Variants in SRCAP observed in about 807,000 individuals in gnomAD.
The protein encoded by SRCAP is Snf2 related CREBBP activator protein.
In SRCAP, 46 loss-of-function variants were observed where a neutral mutation model predicts 263.1. The ratio of observed to expected loss-of-function variants is 0.17; its 90% confidence interval spans 0.14 to 0.22. The LOEUF (loss-of-function observed/expected upper bound fraction) is 0.22. SRCAP is among the 10% of genes least tolerant of loss of function. The pLI, the probability that SRCAP is intolerant of heterozygous loss-of-function variation, is 1.00. For synonymous variants in SRCAP, 1,813 were observed against 1,662.1 expected (o/e 1.09, Z -2.21); for missense variants, 3,695 against 4,181.9 (o/e 0.88, Z 3.21).
Position 30,734,623 on chromosome 16 carries a change from AAG to A in SRCAP, c.6729+11_6729+12del. On this transcript the variant is annotated intron_variant, in intron 31 of 33. Coordinates refer to ENST00000262518, the MANE Select transcript of SRCAP (RefSeq NM_006662.3). ...ACTCATATTCTGGAGCAGGTAAAAA[AAG>A]AGTGGGCAGTTCGTAAAGTTGAGCT... 3 of 1,614,088 alleles carry A rather than the reference AAG, an allele frequency of 1.9e-6. No individual in the cohort carries two copies. The highest frequency in any genetic ancestry group is 2.2e-5 in the South Asian group (2 of 91,082).
At chr16:30,731,587 C>T (rs1019206975) in intron 27 of SRCAP, among the ~76,000 whole-genome samples, 4 of 152,166 alleles carry the variant, frequency 2.6e-5, no homozygotes, top group East Asian at 1.9e-4. Context: ...TGTTCAAGGC[C>T]GGGTGTGGTG....
chr16:30,720,554 C>G (rs2053001461), intron 19 of SRCAP, among the ~76,000 whole-genome samples, 159 bp from the exon 20 acceptor site: 2 of 152,198 alleles, frequency 1.3e-5, no homozygotes, highest in South Asian at 2.1e-4. Context: ...TCGGTGCTTT[C>G]TGATTGTCTT....
chr16:30,713,700 C>T lies in SRCAP; in HGVS notation c.2482C>T (p.Arg828Cys), dbSNP rs757797624. 2.5e-6 allele frequency: 4 copies of T among 1,613,778 alleles called. No homozygotes were observed. Among genetic ancestry groups the T allele is most frequent in the Admixed American group, 1.7e-5 (1 of 59,976 alleles). ...AGAGTATAATGAAGGTCTAGTCAAACGCCTCCACAAGGTAGGGCCTGCAAC... is the reference window on the plus strand; with the variant it reads ...AGAGTATAATGAAGGTCTAGTCAAATGCCTCCACAAGGTAGGGCCTGCAAC... ...SQEYNEGLVK[R>C]LHKVLRPFLL... The change falls in exon 16 of 34, where the codon CGC becomes TGC. Residue 828 changes from arginine (R) to cysteine (C), a missense_variant. By Grantham distance (180) the Arg-to-Cys change is radical. Transcript: ENST00000262518.
At position 30,716,494 on chromosome 16, in the gene SRCAP, A is replaced by G. The variant is rs2052951856; in HGVS notation, c.2817+15A>G. ...ATCCCCTCCAGGTAAGTATGATTCC[A>G]TTAATATGAAATGTAAAGGTTATCG... On this transcript the variant is annotated intron_variant, in intron 18 of 33. Transcript: ENST00000262518. 1.9e-6 allele frequency: 3 copies of G among 1,596,952 alleles called. No homozygotes were observed. The South Asian group carries it at 3.4e-5, about 18-fold the overall frequency.
rs2053217287 is a variant in SRCAP, at chr16:30,740,860, T to G, written c.*1127T>G. The G allele has an allele frequency of 6.6e-6, 1 of 152,324 alleles. No homozygotes were observed. 9.4% of individuals were successfully genotyped at this position (152,324 alleles called of 1,614,324 possible). A position where few individuals can be genotyped will look rare whatever the true frequency, so the allele number is the denominator to read the frequency against. On this transcript the variant is annotated 3_prime_UTR_variant, in exon 34 of 34. Coordinates refer to ENST00000262518, the MANE Select transcript of SRCAP (RefSeq NM_006662.3). ...CACATCATTCTTTGCTCTCTACTTG[T>G]CTCGCCCCTTTCACCTTTCCTATCC...
chr16:30,715,450 A>G (rs1210820542), intron 16 of SRCAP, among the ~76,000 whole-genome samples: 1 of 152,120 alleles, frequency 6.6e-6, no homozygotes, highest in Non-Finnish European at 1.5e-5. Context: ...CTGTAGTCCC[A>G]GCTACTCAGG....
intron 27 of SRCAP, among the ~76,000 whole-genome samples, chr16:30,730,244 A>G (rs2053100553): frequency 6.6e-6 from 1 of 152,232 alleles, no homozygotes; most frequent in South Asian, 2.1e-4. Flanking sequence ...AAGACTGCAC[A>G]GTAAGTAAAC....
At chr16:30,723,279 G>A (rs767822443) in intron 24 of SRCAP, 50 bp downstream of exon 24, 1 of 1,550,800 alleles carries the variant, frequency 6.4e-7, no homozygotes, top group Non-Finnish European at 8.7e-7. Context: ...ATGGAGACGA[G>A]ATGGGGTCGC....
At chr16:30,722,927 T>C in intron 23 of SRCAP, 36 bp from the exon 24 acceptor site, 3 of 1,578,484 alleles carry the variant, frequency 1.9e-6, no homozygotes, top group Non-Finnish European at 1.7e-6. Flanking sequence ...TTTTGTTTCT[T>C]TTCTACCTTC....
Position 30,733,684 on chromosome 16 carries a change from T to C in SRCAP, c.6380T>C (p.Leu2127Pro). 6.2e-7 allele frequency: 1 copy of C among 1,614,176 alleles called. No homozygotes were observed. The change falls in exon 29 of 34, where the codon CTG becomes CCG. Residue 2127 changes from leucine to proline, a missense_variant. Leu to Pro is a moderately conservative substitution (Grantham distance 98). This residue lies in a region of SRCAP where 138 missense variants were observed against 254.9 expected (regional missense o/e 0.54). Coordinates refer to ENST00000262518, the MANE Select transcript of SRCAP (RefSeq NM_006662.3). The surrounding 1 kb of genome is among the most constrained non-coding windows in gnomAD (Gnocchi z 5.3). ...CGGAGTGGGGGTGTGGGCGTGAACC[T>C]GACAGGAGCAGACACTGTTGTTTTT... ...STRSGGVGVNLTGADTVVFYD... is the reference protein window; with the variant it reads ...STRSGGVGVNPTGADTVVFYD...
chr16:30,723,193 C>T lies in SRCAP; in HGVS notation c.4123C>T (p.Leu1375Phe). The change falls in exon 24 of 34, where the codon CTC becomes TTC. Residue 1375 changes from leucine (L) to phenylalanine (F), a missense_variant. Physicochemically the swap from Leu to Phe is conservative, Grantham distance 22. Coordinates refer to ENST00000262518, the MANE Select transcript of SRCAP (RefSeq NM_006662.3). ...CACACCCACTCTGGTGAGGCCTCTTCTCAAGCTGGTCCACAGTCCTTCACC... is the reference window on the plus strand; with the variant it reads ...CACACCCACTCTGGTGAGGCCTCTTTTCAAGCTGGTCCACAGTCCTTCACC... ...MPTPTLVRPL[L>F]KLVHSPSPEV... 1 of 1,613,806 alleles carries T rather than the reference C, an allele frequency of 6.2e-7. No homozygotes were observed. Among genetic ancestry groups the T allele is most frequent in the South Asian group, 1.1e-5 (1 of 91,024 alleles).
chr16:30,716,011 C>T lies in SRCAP; in HGVS notation c.2494-55C>T, dbSNP rs899233738. ...ATTAGTGTTTGCTGAGGGGCTTAGG[C>T]TGGGGCTCGGTGCCTGAGTTCTCCT... On this transcript the variant is annotated intron_variant, in intron 16 of 33. Transcript: ENST00000262518. The T allele has an allele frequency of 3.7e-6, 6 of 1,609,932 alleles. No homozygotes were observed. In the African/African-American group the frequency reaches 8.0e-5, roughly 22 times the overall value.
At chr16:30,700,321 T>C (rs974907667) in intron 2 of SRCAP, among the ~76,000 whole-genome samples, 3 of 152,222 alleles carry the variant, frequency 2.0e-5, no homozygotes, top group South Asian at 4.1e-4. Flanking sequence ...TATATTAGAA[T>C]GTAAGCTACA....
chr16:30,739,703 T>C lies in SRCAP; in HGVS notation c.9663T>C (p.Val3221=), dbSNP rs372423298. The C allele has an allele frequency of 9.9e-6, 15 of 1,512,604 alleles. No homozygotes were observed. The South Asian group carries it at 1.7e-4, about 17-fold the overall frequency. The allele number at this position is 1,512,604 out of a possible 1,614,324, so 93.7% of individuals were successfully genotyped here. ...SAPPSLAGPA[V]SHRGRKAKT ...CTCCCTCCCTGGCTGGCCCTGCTGT[T>C]AGTCACAGAGGCCGCAAGGCCAAGA... The change falls in exon 34 of 34, where the codon GTT becomes GTC. Residue 3221 remains valine, a synonymous_variant. Transcript: ENST00000262518.
At chr16:30,710,291 A>G (rs1405252835) in intron 8 of SRCAP, among the ~76,000 whole-genome samples, 163 bp downstream of exon 8, 1 of 152,190 alleles carries the variant, frequency 6.6e-6, no homozygotes, top group Non-Finnish European at 1.5e-5. Context: ...GTTTGGGGCA[A>G]GTTGCATTTT....
At position 30,713,560 on chromosome 16, in the gene SRCAP, G is replaced by A. The variant is rs143899152; in HGVS notation, c.2342G>A (p.Ser781Asn). Residue 781 changes from serine to asparagine, a missense_variant, in exon 16 of 34, where the codon AGC becomes AAC. Coordinates refer to ENST00000262518, the MANE Select transcript of SRCAP (RefSeq NM_006662.3). ...CTGACAGGAACTCCCTTGCAGAACA[G>A]CCTCATGGAGCTGTGGTCCTTGATG... ...LLLTGTPLQN[S>N]LMELWSLMHF... 46 of 1,614,110 alleles carry A rather than the reference G, an allele frequency of 2.8e-5. No homozygotes were observed. Among genetic ancestry groups the A allele is most frequent in the African/African-American group, 4.0e-5 (3 of 74,940 alleles).
chr16:30,722,946 G>A lies in SRCAP; in HGVS notation c.3893-17G>A. The A allele has an allele frequency of 6.3e-7, 1 of 1,599,146 alleles. No individual in the cohort carries two copies. The highest frequency in any genetic ancestry group is 1.3e-5 in the African/African-American group (1 of 74,706). ...GTTTCTTTTCTACCTTCCTCTCAGT[G>A]TAGCTTCCTCTTGCAGTGCCACCAA... On this transcript the variant is annotated splice_polypyrimidine_tract_variant and intron_variant, in intron 23 of 33. Coordinates refer to ENST00000262518, the MANE Select transcript of SRCAP (RefSeq NM_006662.3).
At chr16:30,709,384 G>A (rs1567241553) in intron 6 of SRCAP, 129 bp from the exon 7 acceptor site, 8 of 893,942 alleles carry the variant, frequency 8.9e-6, no homozygotes, top group Non-Finnish European at 1.1e-5. Flanking sequence ...AGCCCCTAAG[G>A]TTATTTAGTT....
In SRCAP at chr16:30,738,037, A is replaced by G. The variant is rs778191174; in HGVS notation, c.7997A>G (p.Glu2666Gly). 3.7e-6 allele frequency: 6 copies of G among 1,614,002 alleles called. No homozygotes were observed. In the African/African-American group the frequency reaches 5.3e-5, roughly 14 times the overall value. ...PSAASDEPLQ[E>G]PLEADRTSEE... ...GCAGCATCTGATGAGCCACTTCAGG[A>G]GCCACTGGAGGCTGACAGGACCTCG... is the stretch of plus-strand genomic sequence containing the variant. Residue 2666 changes from glutamate to glycine, a missense_variant, in exon 34 of 34, where the codon GAG (glutamate) becomes GGG (glycine). Transcript: ENST00000262518.
Sources: gnomAD v4.1 joint callset for allele counts (sites outside exome capture counted in the v4.1 genomes callset) on GRCh38, gnomAD v4.1.1 for gene constraint, gnomAD v4.1.1 regional missense constraint, Gnocchi (gnomAD v3.1) non-coding constraint, MANE v1.5 for transcripts, NCBI Gene and HGNC (gene_info 2026-07-23, HGNC 2026-07-21) for gene names.